IGSF10: variants seen among roughly 807,000 people sequenced by gnomAD.
The protein encoded by IGSF10 is calvaria mechanical force protein 608.
IGSF10 carries 126 observed loss-of-function variants against 128.2 expected under a neutral mutation model. That is an observed-to-expected ratio of 0.98 (90% CI 0.85 to 1.14). The LOEUF is 1.14. Ranked by LOEUF, IGSF10 falls within the 50% of genes most tolerant of loss-of-function variation. The pLI is 0.00. For missense variants in IGSF10, 3,295 were observed against 3,149.8 expected, an observed-to-expected ratio of 1.05 and a Z score of -1.10; for synonymous variants, 1,185 against 1,146.2, an observed-to-expected ratio of 1.03 and a Z score of -0.68.
the IGSF10 span, among the ~76,000 whole-genome samples, chr3:151,532,540 C>T: frequency 1.3e-5 from 2 of 152,092 alleles, no homozygotes; most frequent in Non-Finnish European, 2.9e-5. Context: ...AATTAATAAA[C>T]ATAATCCATC....
the IGSF10 span, among the ~76,000 whole-genome samples, chr3:151,467,699 G>T: frequency 6.6e-6 from 1 of 151,770 alleles, no homozygotes; most frequent in Non-Finnish European, 1.5e-5. Flanking sequence ...CCTGGCTAAC[G>T]CAGTGAAACC....
the IGSF10 span, among the ~76,000 whole-genome samples, chr3:151,517,145 A>G: frequency 6.6e-6 from 1 of 152,064 alleles, no homozygotes; most frequent in Non-Finnish European, 1.5e-5. Context: ...GTTACACAAC[A>G]GAGTTTAAAT....
the IGSF10 span, among the ~76,000 whole-genome samples, chr3:151,500,385 A>G: frequency 4.3e-4 from 65 of 152,272 alleles, 1 homozygote; most frequent in Non-Finnish European, 7.5e-4. Flanking sequence ...AATTCTGAAG[A>G]AAGATTTTGA....
At chr3:151,502,215 T>C in the IGSF10 span, among the ~76,000 whole-genome samples, 1 of 152,120 alleles carries the variant, frequency 6.6e-6, no homozygotes, top group Non-Finnish European at 1.5e-5. Flanking sequence ...ATCTTTTTTT[T>C]TCATTATGTT....
At chr3:151,606,283 AG>A in the IGSF10 span, among the ~76,000 whole-genome samples, 4 of 152,244 alleles carry the variant, frequency 2.6e-5, no homozygotes, top group African/African-American at 9.6e-5. Context: ...GGGACTGGCC[AG>A]GAACTCCTAA....
At chr3:151,589,868 T>G in the IGSF10 span, among the ~76,000 whole-genome samples, 3 of 152,198 alleles carry the variant, frequency 2.0e-5, no homozygotes, top group Non-Finnish European at 4.4e-5. Flanking sequence ...CAGTCACAGC[T>G]AGGAATATAT....
the IGSF10 span, among the ~76,000 whole-genome samples, chr3:151,470,307 C>T: frequency 1.3e-5 from 2 of 152,270 alleles, no homozygotes; most frequent in African/African-American, 2.4e-5. Context: ...GCAAAAAGTC[C>T]ACCATTTGGG....
upstream of IGSF10, among the ~76,000 whole-genome samples, chr3:151,463,523 GT>G (rs745415781): frequency 2.2e-4 from 7 of 31,288 alleles, no homozygotes; most frequent in Admixed American, 4.1e-4. Context: ...ACATTTTCTG[GT>G]TTTTTTTTTT....
the IGSF10 span, among the ~76,000 whole-genome samples, chr3:151,595,517 CTCTAATATATTATTATAT>C: frequency 6.7e-6 from 1 of 148,206 alleles, no homozygotes; most frequent in East Asian, 1.9e-4. Flanking sequence ...AGCATCAATA[CTCTAATATATTATTATAT>C]TCTATTATAG....
the IGSF10 span, among the ~76,000 whole-genome samples, chr3:151,499,294 GA>G: frequency 6.6e-5 from 10 of 152,258 alleles, no homozygotes; most frequent in Non-Finnish European, 1.2e-4. Flanking sequence ...ACAGGGAATT[GA>G]ATGAAAGCAT....
At position 151,453,568 on chromosome 3, in the gene IGSF10, G is replaced by C; in HGVS notation, c.531C>G (p.Ser177Arg). ...AAGAGATTTTAAATATCTGGAGGTA[G>C]CTCAAAGAGACAAATGTATCTGGGT... ...KLHPDTFVSLSYLQIFKISFI... is the reference protein window; with the variant it reads ...KLHPDTFVSLRYLQIFKISFI... Residue 177 changes from serine to arginine, a missense_variant, in exon 5 of 8, where the codon AGC (serine) becomes AGG (arginine). Physicochemically the swap from Ser to Arg is moderately radical, Grantham distance 110. Coordinates refer to ENST00000282466, the MANE Select transcript of IGSF10 (RefSeq NM_178822.5). 6.2e-7 allele frequency: 1 copy of C among 1,613,764 alleles called. No homozygotes were observed. The highest frequency in any genetic ancestry group is 1.1e-5 in the South Asian group (1 of 91,058).
At chr3:151,525,129 G>T in the IGSF10 span, among the ~76,000 whole-genome samples, 1 of 144,730 alleles carries the variant, frequency 6.9e-6, no homozygotes, top group East Asian at 2.1e-4. Context: ...GGGCTCAAGT[G>T]ATCCTTCCAC....
chr3:151,464,583 A>AG (rs778811369), upstream of IGSF10, among the ~76,000 whole-genome samples: 3 of 152,214 alleles, frequency 2.0e-5, no homozygotes, highest in African/African-American at 2.4e-5. Flanking sequence ...CAAGCTATGA[A>AG]TTTTAAAACT....
chr3:151,435,266 G>GTTCT (rs1485672339), downstream of IGSF10: 2 of 150,068 alleles, frequency 1.3e-5, no homozygotes, highest in African/African-American at 4.9e-5. Flanking sequence ...ATCAATCACA[G>GTTCT]TTCTTGGATA....
the IGSF10 span, among the ~76,000 whole-genome samples, chr3:151,611,129 T>C: frequency 6.6e-6 from 1 of 152,174 alleles, no homozygotes; most frequent in South Asian, 2.1e-4. Flanking sequence ...ATAAATCAAG[T>C]TGGGAAGAAA....
At chr3:151,594,622 CTTT>C in the IGSF10 span, among the ~76,000 whole-genome samples, 4 of 135,490 alleles carry the variant, frequency 3.0e-5, no homozygotes, top group African/African-American at 8.1e-5. Context: ...GCGCCCGGCC[CTTT>C]TTTTTTTTTT....
At chr3:151,503,224 G>T in the IGSF10 span, among the ~76,000 whole-genome samples, 3 of 151,926 alleles carry the variant, frequency 2.0e-5, no homozygotes, top group East Asian at 5.8e-4. Context: ...ACAATGACCA[G>T]TATACTGTCA....
the IGSF10 span, among the ~76,000 whole-genome samples, chr3:151,541,271 T>A: frequency 2.0e-5 from 3 of 152,180 alleles, no homozygotes; most frequent in Non-Finnish European, 2.9e-5. Flanking sequence ...GAAAGTCAGA[T>A]GTGTCTGTTG....
the IGSF10 span, among the ~76,000 whole-genome samples, chr3:151,471,892 G>T: frequency 6.6e-6 from 1 of 152,052 alleles, no homozygotes; most frequent in South Asian, 2.1e-4. Context: ...TCCTTACGAC[G>T]ACTTATTTAA....
Sources: gnomAD v4.1 joint callset for allele counts (sites outside exome capture counted in the v4.1 genomes callset) on GRCh38, gnomAD v4.1.1 for gene constraint, MANE v1.5 for transcripts, NCBI Gene and HGNC (gene_info 2026-07-23, HGNC 2026-07-21) for gene names.